FAM107B: variants seen among roughly 807,000 people sequenced by gnomAD.
FAM107B encodes the protein family with sequence similarity 107 member B.
In FAM107B, 21 loss-of-function variants were observed where a neutral mutation model predicts 31.5. The ratio of observed to expected loss-of-function variants is 0.67; its 90% CI spans 0.47 to 0.96. FAM107B has a LOEUF of 0.96. FAM107B is among the 40% of genes least tolerant of loss of function. The pLI, the probability that FAM107B is intolerant of heterozygous loss-of-function variation, is 0.00. For synonymous variants in FAM107B, 157 were observed against 141.5 expected, an observed-to-expected ratio of 1.11 and a Z score of -0.78; for missense variants, 452 against 377.1, an observed-to-expected ratio of 1.20 and a Z score of -1.64.
chr10:14,707,199 T>C lies in FAM107B; in HGVS notation c.412-39508A>G, dbSNP rs138851501. ...ACAAAAAAATGGTTACAGTGGTAAATTTCACGTTATGTGTATTTTATCACC... is the reference window on the plus strand; with the variant it reads ...ACAAAAAAATGGTTACAGTGGTAAACTTCACGTTATGTGTATTTTATCACC... On this transcript the variant is annotated intron_variant, in intron 1 of 4. Coordinates refer to ENST00000181796, the MANE Select transcript of FAM107B (RefSeq NM_031453.4). Among the ~76,000 whole-genome samples, 19 of 151,846 alleles carry C rather than the reference T, an allele frequency of 1.3e-4. No homozygotes were observed. The East Asian group carries it at 3.7e-3, about 29-fold the overall frequency.
At chr10:14,703,098 T>C (rs1218294301) in intron 1 of FAM107B, among the ~76,000 whole-genome samples, 2 of 152,018 alleles carry the variant, frequency 1.3e-5, no homozygotes, top group South Asian at 2.1e-4. Context: ...ATTCCCCATC[T>C]CTCCCTCCCC....
chr10:14,648,954 T>C (rs1380710939), intron 2 of FAM107B, among the ~76,000 whole-genome samples: 1 of 152,184 alleles, frequency 6.6e-6, no homozygotes, highest in Admixed American at 6.5e-5. Flanking sequence ...GAGGTTTGTC[T>C]ACAAATAATG....
intron 2 of FAM107B, among the ~76,000 whole-genome samples, chr10:14,541,743 C>T (rs1848226149): frequency 6.6e-6 from 1 of 152,212 alleles, no homozygotes; most frequent in Non-Finnish European, 1.5e-5. Flanking sequence ...TGACTTCCAT[C>T]CTCTCCCCTA....
intron 3 of FAM107B, among the ~76,000 whole-genome samples, chr10:14,528,673 C>G (rs1456765681): frequency 1.3e-5 from 2 of 152,070 alleles, no homozygotes; most frequent in African/African-American, 4.8e-5. Context: ...TAGGGAAACC[C>G]AGCATTGTCT....
rs1287917339 is a variant in FAM107B at position 14,603,824 on chromosome 10, G to A, written c.469+63810C>T. On this transcript the variant is annotated intron_variant, in intron 2 of 4. Coordinates refer to ENST00000181796, the MANE Select transcript of FAM107B (RefSeq NM_031453.4). ...CTGCCTGGCGGGGGCTGGCGTCGGG[G>A]CGCGACCCGGTCCACGCCGGGCGCC... 4.3e-4 allele frequency among the ~76,000 whole-genome samples: 66 copies of A among 151,826 alleles called. 1 individual carries two copies. The highest frequency in any genetic ancestry group is 3.8e-3 in the Admixed American group (58 of 15,242).
At chr10:14,746,050 A>T (rs991574725) in intron 1 of FAM107B, among the ~76,000 whole-genome samples, 28 of 150,292 alleles carry the variant, frequency 1.9e-4, no homozygotes, top group Admixed American at 6.7e-4. Context: ...CACCATTATG[A>T]ATGCCTTTCT....
intron 2 of FAM107B, among the ~76,000 whole-genome samples, chr10:14,598,747 G>A (rs41448447): frequency 0.015 from 2,302 of 152,262 alleles, 91 homozygotes; most frequent in East Asian, 0.12. Context: ...TTTTTGAAAG[G>A]CTGTGGGCAC....
intron 2 of FAM107B, among the ~76,000 whole-genome samples, chr10:14,660,363 TA>T (rs200909624): frequency 3.3e-5 from 5 of 151,124 alleles, no homozygotes; most frequent in East Asian, 1.9e-4. Flanking sequence ...ACATTTCACT[TA>T]AAAAAAAATG....
At chr10:14,569,676 A>G (rs1554834962) in intron 2 of FAM107B, among the ~76,000 whole-genome samples, 1 of 152,220 alleles carries the variant, frequency 6.6e-6, no homozygotes, top group Non-Finnish European at 1.5e-5. Context: ...CTCACAGGTC[A>G]GCAGAAGTGA....
At chr10:14,638,295 T>TC (rs397845342) in intron 2 of FAM107B, among the ~76,000 whole-genome samples, 3 of 151,638 alleles carry the variant, frequency 2.0e-5, no homozygotes, top group East Asian at 1.9e-4. Context: ...TTTTTTTTTT[T>TC]CCCCTCTGTA....
rs572266490 is a variant in FAM107B at position 14,707,208 on chromosome 10, A to G, written c.412-39517T>C. ...TGGTTACAGTGGTAAATTTCACGTT[A>G]TGTGTATTTTATCACCACCCCAACA... On this transcript the variant is annotated intron_variant, in intron 1 of 4. Coordinates refer to ENST00000181796, the MANE Select transcript of FAM107B (RefSeq NM_031453.4). 1.2e-4 allele frequency among the ~76,000 whole-genome samples: 18 copies of G among 152,314 alleles called. No individual in the cohort carries two copies. The East Asian group carries it at 2.7e-3, about 23-fold the overall frequency.
intron 2 of FAM107B, among the ~76,000 whole-genome samples, chr10:14,606,109 C>T (rs1287183237): frequency 6.6e-6 from 1 of 152,066 alleles, no homozygotes. Context: ...ATGATCAAGT[C>T]GAAGCTCCCC....
intron 1 of FAM107B, among the ~76,000 whole-genome samples, chr10:14,767,058 A>G (rs1315052841): frequency 2.4e-5 from 1 of 41,104 alleles, no homozygotes; most frequent in Non-Finnish European, 3.9e-5. Context: ...ATATATATAG[A>G]GAGAGAGAGA....
chr10:14,566,431 G>A (rs1056440836), intron 2 of FAM107B, among the ~76,000 whole-genome samples: 4 of 152,092 alleles, frequency 2.6e-5, no homozygotes, highest in Non-Finnish European at 4.4e-5. Flanking sequence ...GGCGACCCAC[G>A]TCCCACAACT....
chr10:14,770,632 G>A (rs971159330), intron 1 of FAM107B, among the ~76,000 whole-genome samples: 13 of 152,110 alleles, frequency 8.5e-5, no homozygotes, highest in African/African-American at 3.1e-4. Context: ...CCACTAAGAA[G>A]GGGAAAAGTT....
intron 1 of FAM107B, among the ~76,000 whole-genome samples, chr10:14,690,009 G>C (rs1214420211): frequency 1.6e-5 from 2 of 126,520 alleles, no homozygotes; most frequent in Admixed American, 1.6e-4. Context: ...AAGGAAGGAA[G>C]GAAGGAAGGA....
chr10:14,662,321 C>T (rs1854264942), intron 2 of FAM107B, among the ~76,000 whole-genome samples: 1 of 152,010 alleles, frequency 6.6e-6, no homozygotes, highest in South Asian at 2.1e-4. Flanking sequence ...AAGTGACCAA[C>T]CACGCTGTGT....
intron 2 of FAM107B, among the ~76,000 whole-genome samples, chr10:14,642,875 C>T (rs1402514349): frequency 6.6e-6 from 1 of 152,156 alleles, no homozygotes; most frequent in Non-Finnish European, 1.5e-5. Context: ...TGAAAAGAAT[C>T]ATCTTTCCTC....
chr10:14,711,482 C>A (rs1855645510), intron 1 of FAM107B, among the ~76,000 whole-genome samples: 1 of 152,178 alleles, frequency 6.6e-6, no homozygotes, highest in African/African-American at 2.4e-5. Context: ...GTATCCAGTA[C>A]AGTCACATGC....
Sources: allele counts gnomAD v4.1 joint callset (sites outside exome capture counted in the v4.1 genomes callset), GRCh38; gene constraint gnomAD v4.1.1; transcripts MANE v1.5; gene names NCBI Gene and HGNC (gene_info 2026-07-23, HGNC 2026-07-21).